The following CLMP variants were observed in gnomAD, a reference collection of about 807,000 sequenced individuals.
CLMP encodes CXADR-like membrane protein.
Under a neutral mutation model 45.2 loss-of-function variants are expected in CLMP, and 27 were observed. The ratio of observed to expected loss-of-function variants is 0.60; its 90% CI spans 0.44 to 0.82. CLMP has a LOEUF of 0.82. Ranked by LOEUF, CLMP falls within the 40% of genes least tolerant of loss-of-function variation. CLMP has a pLI of 0.00. For missense variants in CLMP, 403 were observed against 448.4 expected (o/e 0.90, Z 0.91); for synonymous variants, 167 against 171.4 (o/e 0.97, Z 0.20).
At chr11:123,182,519 C>G (rs1861782856) in intron 1 of CLMP, among the ~76,000 whole-genome samples, 1 of 152,220 alleles carries the variant, frequency 6.6e-6, no homozygotes. Context: ...TCTTGGAATA[C>G]CTCTTTGGTG....
At chr11:123,113,280 G>T (rs1443836376) in intron 1 of CLMP, among the ~76,000 whole-genome samples, 1 of 152,170 alleles carries the variant, frequency 6.6e-6, no homozygotes, top group East Asian at 1.9e-4. Flanking sequence ...TCTAGGTGCT[G>T]CCAGGGATAC....
intron 1 of CLMP, among the ~76,000 whole-genome samples, chr11:123,110,844 C>T (rs1008759788): frequency 1.3e-5 from 2 of 152,104 alleles, no homozygotes; most frequent in Non-Finnish European, 2.9e-5. Flanking sequence ...TCTGTAACAG[C>T]GCTGTCTGAT....
chr11:123,076,171 T>C (rs914728016), intron 5 of CLMP, among the ~76,000 whole-genome samples: 1 of 150,226 alleles, frequency 6.7e-6, no homozygotes, highest in African/African-American at 2.5e-5. Flanking sequence ...AAAAAAAAAA[T>C]TTTGAGTAGA....
intron 1 of CLMP, among the ~76,000 whole-genome samples, chr11:123,144,871 T>TGA (rs1180773174): frequency 6.6e-6 from 1 of 152,176 alleles, no homozygotes; most frequent in Non-Finnish European, 1.5e-5. Context: ...CAGATTTCAC[T>TGA]GGCTGATTGT....
chr11:123,141,676 A>G (rs2135517521), intron 1 of CLMP, among the ~76,000 whole-genome samples: 1 of 152,262 alleles, frequency 6.6e-6, no homozygotes, highest in Non-Finnish European at 1.5e-5. Context: ...CTGGTTCAGA[A>G]TGGGCTCTTC....
rs1255514925 is a variant in CLMP at position 123,168,187 on chromosome 11, C to T, written c.28+26726G>A. On this transcript the variant is annotated intron_variant, in intron 1 of 6. Transcript: ENST00000448775. ...CGTTTATTCACTGCCTGTCCCCCCA[C>T]CCCCACCCCAGGTCCACTAAGTGGT... is the stretch of plus-strand genomic sequence containing the variant. Among the ~76,000 whole-genome samples the T allele has an allele frequency of 7.3e-5, 11 of 150,522 alleles. No homozygotes were observed. The East Asian group carries it at 1.2e-3, about 16-fold the overall frequency.
chr11:123,115,742 G>T (rs999897079), intron 1 of CLMP, among the ~76,000 whole-genome samples: 2 of 152,220 alleles, frequency 1.3e-5, no homozygotes, highest in Admixed American at 6.5e-5. Flanking sequence ...CACGAAATTT[G>T]TTGAGCTCTT....
Position 123,069,951 on chromosome 11 carries a change from C to T in CLMP, c.*3523G>A, listed in dbSNP as rs1278894917. 2.6e-5 allele frequency: 4 copies of T among 152,208 alleles called. No individual in the cohort carries two copies. Among genetic ancestry groups the T allele is most frequent in the Non-Finnish European group, 5.9e-5 (4 of 68,022 alleles). 9.4% of individuals were successfully genotyped at this position (152,208 alleles called of 1,614,324 possible). ...ATTTGGTTTTTGTGATGCTGAAACA[C>T]AGTCCCAATTACAAGGCAACTTAGA... On this transcript the variant is annotated 3_prime_UTR_variant, in exon 7 of 7. Transcript: ENST00000448775.
intron 1 of CLMP, among the ~76,000 whole-genome samples, chr11:123,100,368 G>T (rs1307858749): frequency 6.7e-6 from 1 of 149,926 alleles, no homozygotes; most frequent in African/African-American, 2.5e-5. Flanking sequence ...GTGACAGAGC[G>T]AGACTCCCTC....
rs202121099 is a variant in CLMP at position 123,074,730 on chromosome 11, C to T, written c.793G>A (p.Glu265Lys). 4.7e-5 allele frequency: 76 copies of T among 1,614,034 alleles called. No individual in the cohort carries two copies. The highest frequency in any genetic ancestry group is 5.9e-5 in the Non-Finnish European group (70 of 1,180,030). The change falls in exon 6 of 7, where the codon GAG becomes AAG. Residue 265 changes from glutamate (E) to lysine (K), a missense_variant. Transcript: ENST00000448775. ...ATTTCATTAGGTCTCTCTTCTTCCTCATATCTTTCTTTGTCTTTCCTTCGG... is the reference window on the plus strand; with the variant it reads ...ATTTCATTAGGTCTCTCTTCTTCCTTATATCTTTCTTTGTCTTTCCTTCGG... ...LIRRKDKERY[E>K]EEERPNEIRE...
intron 1 of CLMP, among the ~76,000 whole-genome samples, chr11:123,155,068 A>T (rs1243768775): frequency 6.6e-6 from 1 of 152,316 alleles, no homozygotes; most frequent in East Asian, 1.9e-4. Flanking sequence ...AGCTCACTGC[A>T]GCCTCGATCT....
chr11:123,189,735 C>T (rs145101443), intron 1 of CLMP, among the ~76,000 whole-genome samples: 17 of 152,252 alleles, frequency 1.1e-4, no homozygotes, highest in African/African-American at 2.6e-4. Context: ...TGGCCAGGCA[C>T]GGTGGCTAAT....
rs536426778 is a variant in CLMP at position 123,187,285 on chromosome 11, G to A, written c.28+7628C>T. On this transcript the variant is annotated intron_variant, in intron 1 of 6. Coordinates refer to ENST00000448775, the MANE Select transcript of CLMP (RefSeq NM_024769.5). ...TCCATGGCTGGTCTACATGGAAGCC[G>A]TGTGCGCCTTCCCTGCTGTTCCCTT... 5.3e-5 allele frequency among the ~76,000 whole-genome samples: 8 copies of A among 152,326 alleles called. No homozygotes were observed. In the South Asian group the frequency reaches 6.2e-4, roughly 12 times the overall value.
intron 1 of CLMP, among the ~76,000 whole-genome samples, chr11:123,121,583 C>T (rs1396323527): frequency 2.6e-5 from 4 of 151,782 alleles, no homozygotes; most frequent in Non-Finnish European, 4.4e-5. Context: ...CAGGTGTGAG[C>T]CACCTCACCT....
chr11:123,121,361 A>T (rs1860815542), intron 1 of CLMP, among the ~76,000 whole-genome samples: 1 of 152,018 alleles, frequency 6.6e-6, no homozygotes, highest in Non-Finnish European at 1.5e-5. Flanking sequence ...GCAGTGGCAC[A>T]ATCTCGGGTC....
At chr11:123,163,044 G>A (rs1200051594) in intron 1 of CLMP, among the ~76,000 whole-genome samples, 1 of 152,158 alleles carries the variant, frequency 6.6e-6, no homozygotes, top group Non-Finnish European at 1.5e-5. Flanking sequence ...GAAGAAGGGA[G>A]AGGGTTTGGG....
chr11:123,106,435 G>GCA (rs1860557767), intron 1 of CLMP, among the ~76,000 whole-genome samples: 5 of 96,548 alleles, frequency 5.2e-5, no homozygotes, highest in Admixed American at 1.2e-4. Flanking sequence ...GCGCGCGCGC[G>GCA]CGCGCACGTG....
Position 123,073,671 on chromosome 11 carries a change from T to A in CLMP, c.925A>T (p.Asn309Tyr). ...SGSSSTRSTA[N>Y]SASRSQRTLS... is the part of the protein sequence containing the mutation. ...GTCCGCTGGCTGCGTGAGGCACTAT[T>A]TGCTGTGGAGCGAGTGGAGGAAGAA... Residue 309 changes from asparagine (N) to tyrosine (Y), a missense_variant, in exon 7 of 7, where the codon AAT becomes TAT. Transcript: ENST00000448775. The A allele has an allele frequency of 6.2e-7, 1 of 1,614,226 alleles. No homozygotes were observed. The highest frequency in any genetic ancestry group is 8.5e-7 in the Non-Finnish European group (1 of 1,180,040).
At chr11:123,139,308 G>A (rs1427798371) in intron 1 of CLMP, among the ~76,000 whole-genome samples, 2 of 152,106 alleles carry the variant, frequency 1.3e-5, no homozygotes, top group African/African-American at 2.4e-5. Flanking sequence ...AATGTGAGAT[G>A]TTCAAAAGGT....
Sources: allele counts gnomAD v4.1 joint callset (sites outside exome capture counted in the v4.1 genomes callset), GRCh38; gene constraint gnomAD v4.1.1; transcripts MANE v1.5; gene names NCBI Gene and HGNC (gene_info 2026-07-23, HGNC 2026-07-21).